Variants in TRPM3 observed in about 807,000 individuals in gnomAD.
TRPM3 encodes transient receptor potential cation channel subfamily M member 3.
Under a neutral mutation model 181.2 loss-of-function variants are expected in TRPM3, and 77 were observed. That is an observed-to-expected ratio of 0.42 (90% CI 0.35 to 0.51). The LOEUF (loss-of-function observed/expected upper bound fraction) is 0.51. Among genes scored for constraint, TRPM3 ranks in the 20% least tolerant of loss-of-function variants. The pLI, the probability that TRPM3 is intolerant of heterozygous loss-of-function variation, is 0.01. For synonymous variants in TRPM3, 745 were observed against 796.4 expected, an observed-to-expected ratio of 0.94 and a Z score of 1.09; for missense variants, 1,759 against 2,196.7, an observed-to-expected ratio of 0.80 and a Z score of 3.98.
chr9:71,210,474 C>G (rs918356965), intron 1 of TRPM3, among the ~76,000 whole-genome samples: 1 of 152,160 alleles, frequency 6.6e-6, no homozygotes, highest in Non-Finnish European at 1.5e-5. Flanking sequence ...TTCACAAAAC[C>G]GGTCCCTGGT....
intron 8 of TRPM3, among the ~76,000 whole-genome samples, chr9:70,683,403 C>T (rs1480784705): frequency 2.1e-5 from 3 of 141,006 alleles, no homozygotes; most frequent in East Asian, 2.1e-4. Flanking sequence ...TCCTTTCCTT[C>T]CTTTTCTCTC....
intron 9 of TRPM3, among the ~76,000 whole-genome samples, chr9:70,680,025 A>G (rs2065030847): frequency 6.6e-6 from 1 of 152,210 alleles, no homozygotes; most frequent in Non-Finnish European, 1.5e-5. Flanking sequence ...AGCTGGACAC[A>G]TGATATGATT....
At chr9:71,165,260 A>T (rs115730338) in intron 1 of TRPM3, among the ~76,000 whole-genome samples, 1,726 of 152,324 alleles carry the variant, frequency 0.011, 30 homozygotes, top group African/African-American at 0.039. Context: ...AATTAAAAGC[A>T]TAAATATATA....
At chr9:71,437,624 T>A (rs181916929) in intron 1 of TRPM3, among the ~76,000 whole-genome samples, 1 of 151,970 alleles carries the variant, frequency 6.6e-6, no homozygotes, top group Non-Finnish European at 1.5e-5. Context: ...TCCTAGCAGT[T>A]TGGGAGGCTA....
chr9:71,368,299 A>G (rs1008220811), intron 1 of TRPM3, among the ~76,000 whole-genome samples: 2 of 152,206 alleles, frequency 1.3e-5, no homozygotes, highest in African/African-American at 4.8e-5. Context: ...CAGGGAAGCT[A>G]CTGCAACCCT....
intron 1 of TRPM3, among the ~76,000 whole-genome samples, chr9:71,341,814 A>G (rs2132610109): frequency 6.6e-6 from 1 of 152,164 alleles, no homozygotes; most frequent in East Asian, 1.9e-4. Context: ...AAGTGGAGAA[A>G]AGTATATATG....
At chr9:70,962,141 C>A (rs1030977158) in intron 1 of TRPM3, among the ~76,000 whole-genome samples, 1 of 152,016 alleles carries the variant, frequency 6.6e-6, no homozygotes, top group Non-Finnish European at 1.5e-5. Context: ...ACTGATTTAG[C>A]CTTTAAACTT....
intron 1 of TRPM3, among the ~76,000 whole-genome samples, chr9:71,196,508 T>A (rs989030190): frequency 6.6e-6 from 1 of 151,882 alleles, no homozygotes; most frequent in Non-Finnish European, 1.5e-5. Context: ...AATACCTGCA[T>A]TTTCCATTAT....
chr9:70,609,032 A>ATAG (rs2061629315), intron 19 of TRPM3, among the ~76,000 whole-genome samples: 1 of 152,204 alleles, frequency 6.6e-6, no homozygotes, highest in East Asian at 1.9e-4. Context: ...AGAAGAAACA[A>ATAG]TAGTCACAGT....
At chr9:71,173,900 G>A (rs1288762333) in intron 1 of TRPM3, among the ~76,000 whole-genome samples, 3 of 152,110 alleles carry the variant, frequency 2.0e-5, no homozygotes, top group Non-Finnish European at 4.4e-5. Flanking sequence ...GACAATCTGG[G>A]CATTGCTTTG....
At chr9:70,687,806 T>C (rs2067365379) in intron 8 of TRPM3, among the ~76,000 whole-genome samples, 1 of 152,216 alleles carries the variant, frequency 6.6e-6, no homozygotes, top group Non-Finnish European at 1.5e-5. Flanking sequence ...TCTCACCCTC[T>C]TGCATGTAGT....
chr9:71,419,368 T>G (rs982696646), intron 1 of TRPM3, among the ~76,000 whole-genome samples: 53 of 152,068 alleles, frequency 3.5e-4, no homozygotes, highest in East Asian at 1.4e-3. Context: ...ACTGAGAAAT[T>G]TATTCAAATG....
intron 1 of TRPM3, among the ~76,000 whole-genome samples, chr9:71,342,396 C>A (rs542518502): frequency 6.6e-6 from 1 of 150,958 alleles, no homozygotes; most frequent in South Asian, 2.1e-4. Context: ...ATAGAAAAGA[C>A]TGGTAGAATA....
rs1035737380 is a variant in TRPM3 at position 70,609,260 on chromosome 9, A to ACTAAG, written c.2667+1344_2667+1348dup. 4.8e-4 allele frequency among the ~76,000 whole-genome samples: 73 copies of ACTAAG among 152,334 alleles called. 1 individual carries two copies. The highest frequency in any genetic ancestry group is 1.3e-3 in the African/African-American group (52 of 41,588). The stretch of plus-strand genomic sequence containing the variant: ...GATTCCAAAGTCCATGCTTGTCACC[A>ACTAAG]CTAAGCTGTTTTCTGCAAGGTTAAA... On this transcript the variant is annotated intron_variant, in intron 19 of 25. Transcript: ENST00000677713.
intron 1 of TRPM3, among the ~76,000 whole-genome samples, chr9:70,945,371 A>G (rs546569451): frequency 3.9e-5 from 6 of 152,212 alleles, no homozygotes; most frequent in Non-Finnish European, 7.3e-5. Flanking sequence ...AGTATTTGCT[A>G]TAAGGTAGTT....
intron 1 of TRPM3, among the ~76,000 whole-genome samples, chr9:71,167,518 T>C (rs1439766970): frequency 6.6e-6 from 1 of 152,152 alleles, no homozygotes; most frequent in Non-Finnish European, 1.5e-5. Flanking sequence ...AGACATTTCA[T>C]TTTCCATTAT....
intron 1 of TRPM3, among the ~76,000 whole-genome samples, chr9:70,979,649 C>T (rs55973930): frequency 0.091 from 13,894 of 152,252 alleles, 834 homozygotes; most frequent in Non-Finnish European, 0.14. Flanking sequence ...CAACACTCTT[C>T]ACAACTGCAG....
intron 1 of TRPM3, among the ~76,000 whole-genome samples, chr9:71,441,930 C>A (rs997563395): frequency 1.3e-5 from 2 of 152,164 alleles, no homozygotes; most frequent in African/African-American, 4.8e-5. Flanking sequence ...TGTGCCCGGC[C>A]TTCTTCATTT....
intron 1 of TRPM3, among the ~76,000 whole-genome samples, chr9:71,028,399 CACAA>C (rs2056855304): frequency 6.6e-6 from 1 of 152,132 alleles, no homozygotes; most frequent in Non-Finnish European, 1.5e-5. Context: ...AAAGCAACCA[CACAA>C]ACAAATTAGC....
Sources: gnomAD v4.1 joint callset for allele counts (sites outside exome capture counted in the v4.1 genomes callset) on GRCh38, gnomAD v4.1.1 for gene constraint, MANE v1.5 for transcripts, NCBI Gene and HGNC (gene_info 2026-07-23, HGNC 2026-07-21) for gene names.